Variants in TRHDE observed in about 807,000 individuals in gnomAD.
TRHDE encodes the protein thyrotropin releasing hormone degrading enzyme.
A neutral mutation model predicts 125.7 loss-of-function variants in TRHDE; 72 were observed. That is an observed-to-expected ratio of 0.57 (90% CI 0.47 to 0.70). TRHDE has a LOEUF of 0.70. Among genes scored for constraint, TRHDE ranks in the 30% least tolerant of loss-of-function variants. TRHDE has a pLI of 0.00. For synonymous variants in TRHDE, 509 were observed against 509.1 expected (o/e 1.00, Z 0.00); for missense variants, 1,110 against 1,327.1 (o/e 0.84, Z 2.54).
chr12:72,376,826 C>T (rs1871905514), intron 2 of TRHDE, among the ~76,000 whole-genome samples: 1 of 149,994 alleles, frequency 6.7e-6, no homozygotes. Context: ...GTACAAATTT[C>T]TTTTTTTATT....
intron 17 of TRHDE, among the ~76,000 whole-genome samples, chr12:72,655,694 T>C (rs898431211): frequency 1.3e-5 from 2 of 152,164 alleles, no homozygotes; most frequent in African/African-American, 2.4e-5. Context: ...ACCTTATTAT[T>C]TTCTTATTAT....
intron 2 of TRHDE, among the ~76,000 whole-genome samples, chr12:72,320,228 G>T (rs150415097): frequency 3.9e-5 from 6 of 152,116 alleles, no homozygotes; most frequent in Non-Finnish European, 7.4e-5. Flanking sequence ...ATCCATGGGG[G>T]ATTTGTTCCA....
intron 5 of TRHDE, among the ~76,000 whole-genome samples, chr12:72,490,550 C>T (rs868521977): frequency 9.9e-5 from 15 of 151,214 alleles, no homozygotes; most frequent in Middle Eastern, 3.4e-3. Context: ...GTCACAATAG[C>T]CAAGATATTG....
rs1402712627 is a variant in TRHDE at position 72,192,224 on chromosome 12, A to G, written n.279+86472A>G. Among the ~76,000 whole-genome samples the G allele has an allele frequency of 8.5e-5, 13 of 152,136 alleles. No individual in the cohort carries two copies. The South Asian group carries it at 2.7e-3, about 32-fold the overall frequency. ...TATATTAGTGCTTCTGAAACTGGGG[A>G]CTCACTCAGCAGGTTGGAGTGGATC... On this transcript the variant is annotated intron_variant and non_coding_transcript_variant, in intron 2 of 4. Transcript: ENST00000548156.
intron 2 of TRHDE, among the ~76,000 whole-genome samples, chr12:72,211,086 G>A (rs1447926048): frequency 6.6e-6 from 1 of 152,170 alleles, no homozygotes. Flanking sequence ...AACTCAATGA[G>A]TCAGGTGAGT....
At chr12:72,292,260 A>G (rs1224171066) in intron 2 of TRHDE, among the ~76,000 whole-genome samples, 1 of 152,142 alleles carries the variant, frequency 6.6e-6, no homozygotes, top group African/African-American at 2.4e-5. Context: ...TCATCCTTAG[A>G]CCATTTTTGT....
chr12:72,476,840 A>G (rs886988994), intron 5 of TRHDE, among the ~76,000 whole-genome samples: 1 of 152,158 alleles, frequency 6.6e-6, no homozygotes, highest in Non-Finnish European at 1.5e-5. Context: ...CTGTTAGTAA[A>G]ATCTTAGGTT....
chr12:72,575,130 C>T, intron 10 of TRHDE, 125 bp from the exon 11 acceptor site: 1 of 883,786 alleles, frequency 1.1e-6, no homozygotes, highest in South Asian at 1.8e-5. Context: ...GAGTAGGCTT[C>T]AATTAGGTAT....
At chr12:72,258,902 T>C (rs1031336019) in intron 2 of TRHDE, among the ~76,000 whole-genome samples, 3 of 152,194 alleles carry the variant, frequency 2.0e-5, no homozygotes, top group Admixed American at 1.3e-4. Flanking sequence ...GTTTTTCTCA[T>C]TGCATTTGAT....
chr12:72,336,437 G>A (rs1038934851), intron 2 of TRHDE, among the ~76,000 whole-genome samples: 1 of 152,100 alleles, frequency 6.6e-6, no homozygotes, highest in African/African-American at 2.4e-5. Context: ...TGCTTTCTCT[G>A]TGCCTTTCAG....
intron 3 of TRHDE, among the ~76,000 whole-genome samples, chr12:72,380,785 TC>T (rs1342703739): frequency 1.6e-5 from 2 of 122,652 alleles, no homozygotes; most frequent in Non-Finnish European, 3.4e-5. Context: ...CTTCCTTCCT[TC>T]CTTCCTTCCT....
At chr12:72,420,868 C>T (rs1465060689) in intron 3 of TRHDE, among the ~76,000 whole-genome samples, 3 of 152,140 alleles carry the variant, frequency 2.0e-5, no homozygotes, top group Non-Finnish European at 4.4e-5. Flanking sequence ...TGGCTCTGAA[C>T]CTGTAGGTCG....
chr12:72,318,462 A>G (rs1868915115), intron 2 of TRHDE, among the ~76,000 whole-genome samples: 1 of 152,166 alleles, frequency 6.6e-6, no homozygotes, highest in African/African-American at 2.4e-5. Context: ...GTGTGTCCTT[A>G]GATACGATTA....
chr12:72,594,502 G>GGT (rs544576303), intron 12 of TRHDE, among the ~76,000 whole-genome samples: 3 of 136,012 alleles, frequency 2.2e-5, no homozygotes, highest in African/African-American at 8.0e-5. Flanking sequence ...ACAGATGTGA[G>GGT]TTTTTTTTTT....
chr12:72,434,375 ACTCT>A (rs1240917232), intron 3 of TRHDE, among the ~76,000 whole-genome samples: 8 of 136,470 alleles, frequency 5.9e-5, no homozygotes, highest in Non-Finnish European at 1.1e-4. Flanking sequence ...ACAGAGCCAG[ACTCT>A]CTATGTCTCA....
chr12:72,338,593 G>A (rs1592554177), intron 2 of TRHDE, among the ~76,000 whole-genome samples: 4 of 152,084 alleles, frequency 2.6e-5, no homozygotes, highest in African/African-American at 9.7e-5. Context: ...TTGTACTGAG[G>A]ATAAGTTTCT....
At position 72,652,307 on chromosome 12, in the gene TRHDE, G is replaced by A; in HGVS notation, c.2676-15G>A. On this transcript the variant is annotated splice_polypyrimidine_tract_variant and intron_variant, in intron 15 of 18. Transcript: ENST00000261180. Reference sequence around the variant, plus strand: ...CTTTTAATTAACAGAAAACCACCATGGGTTGCTTCTTTAGAATACCACTAA... The same window carrying A: ...CTTTTAATTAACAGAAAACCACCATAGGTTGCTTCTTTAGAATACCACTAA... 1 of 1,412,364 alleles carries A rather than the reference G, an allele frequency of 7.1e-7. No homozygotes were observed. The highest frequency in any genetic ancestry group is 9.3e-7 in the Non-Finnish European group (1 of 1,073,188). The allele number at this position is 1,412,364 out of a possible 1,614,324, so 87.5% of individuals were successfully genotyped here.
intron 3 of TRHDE, among the ~76,000 whole-genome samples, chr12:72,412,119 G>T (rs1873538506): frequency 6.6e-6 from 1 of 152,034 alleles, no homozygotes. Flanking sequence ...TTGACACATT[G>T]ATTTGTATTA....
chr12:72,180,004 A>G (rs907377720), intron 2 of TRHDE, among the ~76,000 whole-genome samples: 1 of 151,848 alleles, frequency 6.6e-6, no homozygotes, highest in Non-Finnish European at 1.5e-5. Flanking sequence ...ACTATCTAAT[A>G]AATAATTACT....
Sources: allele counts gnomAD v4.1 joint callset (sites outside exome capture counted in the v4.1 genomes callset), GRCh38; gene constraint gnomAD v4.1.1; transcripts MANE v1.5; gene names NCBI Gene and HGNC (gene_info 2026-07-23, HGNC 2026-07-21).